The following HTT variants were observed in gnomAD, a reference collection of about 807,000 sequenced individuals.
The protein encoded by HTT is huntington disease protein.
A neutral mutation model predicts 362.3 loss-of-function variants in HTT; 104 were observed. The ratio of observed to expected loss-of-function variants is 0.29; its 90% CI spans 0.24 to 0.34. The LOEUF (loss-of-function observed/expected upper bound fraction) is 0.34. HTT is among the 10% of genes least tolerant of loss of function. The pLI, the probability that HTT is intolerant of heterozygous loss-of-function variation, is 1.00. For synonymous variants in HTT, 1,577 were observed against 1,548.7 expected (o/e 1.02, Z -0.43); for missense variants, 3,301 against 3,928.6 (o/e 0.84, Z 4.27).
chr4:3,214,225 C>G, intron 50 of HTT, 90 bp downstream of exon 50: 1 of 1,053,074 alleles, frequency 9.5e-7, no homozygotes. Context: ...TTGCCAGGTA[C>G]TAAGCTAGGA....
At chr4:3,133,273 C>G (rs1321340166) in intron 18 of HTT, among the ~76,000 whole-genome samples, 1 of 150,272 alleles carries the variant, frequency 6.7e-6, no homozygotes, top group African/African-American at 2.5e-5. Context: ...TGCTTGAGCC[C>G]AGGAGTTCAA....
rs1459221163 is a variant in HTT at position 3,229,968 on chromosome 4, C to T, written c.8191C>T (p.His2731Tyr). 1.2e-6 allele frequency: 2 copies of T among 1,613,998 alleles called. No individual in the cohort carries two copies. Among genetic ancestry groups the T allele is most frequent in the Non-Finnish European group, 1.7e-6 (2 of 1,179,840 alleles). ...GACGCTGACAGAACTGCGAAGGGTG[C>T]ACCCTTCAGAAGACGAGATCCTCGC... ...YVTLTELRRV[H>Y]PSEDEILAQY... is the part of the protein sequence containing the mutation. The change falls in exon 60 of 67, where the codon CAC (histidine) becomes TAC (tyrosine). Residue 2731 changes from histidine (H) to tyrosine (Y), a missense_variant. His to Tyr is a moderately conservative substitution (Grantham distance 83). Transcript: ENST00000355072.
chr4:3,097,823 ATATT>A (rs1364527971), intron 2 of HTT, among the ~76,000 whole-genome samples: 5 of 152,336 alleles, frequency 3.3e-5, no homozygotes, highest in African/African-American at 1.2e-4. Context: ...GTAAAAATCA[ATATT>A]TAGTTACTGG....
intron 37 of HTT, among the ~76,000 whole-genome samples, chr4:3,183,076 C>G (rs1218987325): frequency 1.3e-5 from 2 of 152,190 alleles, no homozygotes; most frequent in Non-Finnish European, 1.5e-5. Flanking sequence ...GAGATGAGGT[C>G]TCGCTGTGTT....
intron 21 of HTT, among the ~76,000 whole-genome samples, chr4:3,139,620 A>G (rs1716241727): frequency 6.6e-6 from 1 of 152,224 alleles, no homozygotes; most frequent in South Asian, 2.1e-4. Context: ...CATTGTTTCT[A>G]AAAGTATTAC....
chr4:3,203,137 A>G (rs1021998508), intron 41 of HTT: 3 of 152,358 alleles, frequency 2.0e-5, no homozygotes, highest in East Asian at 1.9e-4. Context: ...ACTGCTGAGC[A>G]TTGTATGGCT....
intron 23 of HTT, among the ~76,000 whole-genome samples, chr4:3,143,592 T>A (rs1005349866): frequency 1.3e-5 from 2 of 151,706 alleles, no homozygotes; most frequent in Admixed American, 6.6e-5. Flanking sequence ...TTTACATTTT[T>A]ATTTTTTTAA....
intron 1 of HTT, among the ~76,000 whole-genome samples, chr4:3,076,722 G>C (rs1248608007): frequency 6.6e-6 from 1 of 152,146 alleles, no homozygotes; most frequent in African/African-American, 2.4e-5. Context: ...TCAGACACTT[G>C]ATCATTCTAA....
intron 41 of HTT, among the ~76,000 whole-genome samples, chr4:3,201,154 C>T (rs1719513514): frequency 6.6e-6 from 1 of 152,246 alleles, no homozygotes; most frequent in South Asian, 2.1e-4. Flanking sequence ...TAGGTAAATT[C>T]TGTGACTGTT....
intron 29 of HTT, among the ~76,000 whole-genome samples, chr4:3,170,672 C>T (rs1717928220): frequency 6.6e-6 from 1 of 152,180 alleles, no homozygotes; most frequent in Non-Finnish European, 1.5e-5. Context: ...TTGCCTGTCC[C>T]TCCTCCTTGT....
chr4:3,144,511 T>G (rs1272941249), intron 23 of HTT, among the ~76,000 whole-genome samples: 1 of 151,970 alleles, frequency 6.6e-6, no homozygotes, highest in African/African-American at 2.4e-5. Context: ...AGAGGTAGGG[T>G]TTCACCAGGT....
At chr4:3,094,731 G>A (rs1388304825) in intron 2 of HTT, among the ~76,000 whole-genome samples, 7 of 137,102 alleles carry the variant, frequency 5.1e-5, no homozygotes, top group Non-Finnish European at 1.1e-4. Context: ...CCTCCCGGAC[G>A]GAGCGGCTGC....
chr4:3,189,123 T>G (rs1718902849), intron 40 of HTT, 30 bp downstream of exon 40: 5 of 1,610,230 alleles, frequency 3.1e-6, no homozygotes, highest in Non-Finnish European at 4.2e-6. Flanking sequence ...CTTCCTGGAG[T>G]GTCTCGTTCC....
At chr4:3,151,117 C>G (rs990678667) in intron 26 of HTT, among the ~76,000 whole-genome samples, 2 of 151,392 alleles carry the variant, frequency 1.3e-5, no homozygotes, top group African/African-American at 4.9e-5. Context: ...TGAGCTCTAT[C>G]TCCTCTCAGG....
intron 2 of HTT, 139 bp from the exon 3 acceptor site, chr4:3,099,135 T>A (rs1714015326): frequency 1.7e-6 from 1 of 592,972 alleles, no homozygotes; most frequent in Admixed American, 3.0e-5. Context: ...AGTCCAGACT[T>A]TATTCAGATT....
intron 1 of HTT, among the ~76,000 whole-genome samples, chr4:3,082,589 C>T (rs1712969796): frequency 6.6e-6 from 1 of 152,112 alleles, no homozygotes; most frequent in African/African-American, 2.4e-5. Context: ...TCTGCTTGAC[C>T]TGACAAATCA....
chr4:3,204,228 A>G (rs1719736552), intron 42 of HTT, 80 bp downstream of exon 42: 3 of 1,436,352 alleles, frequency 2.1e-6, no homozygotes, highest in Admixed American at 1.8e-5. Context: ...ACTTGCATGG[A>G]CCCTCTGGAA....
chr4:3,134,320 G>GT, intron 18 of HTT, 81 bp from the exon 19 acceptor site: 1 of 1,252,922 alleles, frequency 8.0e-7, no homozygotes. Context: ...GTGTTGAAGA[G>GT]TGACGGTTCT....
chr4:3,092,295 C>G (rs762611847), intron 2 of HTT, among the ~76,000 whole-genome samples: 8 of 152,310 alleles, frequency 5.3e-5, no homozygotes, highest in African/African-American at 1.7e-4. Flanking sequence ...GTTGGGATTA[C>G]AGGTGTGAGC....
Sources: gnomAD v4.1 joint callset for allele counts (sites outside exome capture counted in the v4.1 genomes callset) on GRCh38, gnomAD v4.1.1 for gene constraint, MANE v1.5 for transcripts, NCBI Gene and HGNC (gene_info 2026-07-23, HGNC 2026-07-21) for gene names.